Variants in UBE2V2 observed in about 807,000 individuals in gnomAD.
The protein encoded by UBE2V2 is ubiquitin conjugating enzyme E2 V2, also known as ubiquitin-conjugating enzyme E2 variant 2.
In UBE2V2, 9 loss-of-function variants were observed where a neutral mutation model predicts 17.2. The observed-to-expected ratio is 0.52, with a 90% CI of 0.32 to 0.91. UBE2V2 has a LOEUF of 0.91. Ranked by LOEUF, UBE2V2 falls within the 40% of genes least tolerant of loss-of-function variation. The pLI, the probability that UBE2V2 is intolerant of heterozygous loss-of-function variation, is 0.04. For missense variants in UBE2V2, 133 were observed against 182.6 expected (o/e 0.73, Z 1.56); for synonymous variants, 61 against 57.5 (o/e 1.06, Z -0.28).
At chr8:48,048,591 A>C (rs994326564) in intron 2 of UBE2V2, among the ~76,000 whole-genome samples, 1 of 152,196 alleles carries the variant, frequency 6.6e-6, no homozygotes, top group African/African-American at 2.4e-5. Context: ...GGATATTATT[A>C]ATATTTGCTT....
At chr8:48,008,395 G>T (rs1404650988), upstream of UBE2V2, 2 of 1,549,746 alleles carry the variant, frequency 1.3e-6, no homozygotes, top group Admixed American at 1.9e-5. Context: ...CGCGCTCCCG[G>T]AAGTGACGCG....
upstream of UBE2V2, among the ~76,000 whole-genome samples, chr8:48,005,951 C>T (rs2091180227): frequency 6.6e-6 from 1 of 152,152 alleles, no homozygotes; most frequent in Admixed American, 6.5e-5. Context: ...AATTTTCTCC[C>T]ATTCTATAGG....
Position 48,064,474 on chromosome 8 carries a change from T to C in UBE2V2, c.*3646T>C, listed in dbSNP as rs1802634685. 6.6e-6 allele frequency: 1 copy of C among 152,182 alleles called. No individual in the cohort carries two copies. The highest frequency in any genetic ancestry group is 6.6e-5 in the Admixed American group (1 of 15,266). 9.4% of individuals were successfully genotyped at this position (152,182 alleles called of 1,614,324 possible). A position where few individuals can be genotyped will look rare whatever the true frequency, so the allele number is the denominator to read the frequency against. On this transcript the variant is annotated 3_prime_UTR_variant, in exon 4 of 4. Transcript: ENST00000523111. ...ACCTGATACTGAGTTTACTGTAAAA[T>C]AGGAAATGCATAGGAAGGAATACCT...
chr8:48,051,110 G>A (rs1268947063), intron 3 of UBE2V2, among the ~76,000 whole-genome samples: 1 of 152,204 alleles, frequency 6.6e-6, no homozygotes, highest in Non-Finnish European at 1.5e-5. Flanking sequence ...GCCTCCCAAA[G>A]TGCTGGGATT....
rs577452568 is a variant in UBE2V2, at chr8:48,039,454, G to T, written c.17-3579G>T. On this transcript the variant is annotated intron_variant, in intron 1 of 3. Transcript: ENST00000523111. ...TGAGGTTGAACATATTTTTATGTTTGTTGGTCATTACTGTTTTCTGTAAAC... is the reference window on the plus strand; with the variant it reads ...TGAGGTTGAACATATTTTTATGTTTTTTGGTCATTACTGTTTTCTGTAAAC... Among the ~76,000 whole-genome samples, 16 of 152,226 alleles carry T rather than the reference G, an allele frequency of 1.1e-4. No homozygotes were observed. The South Asian group carries it at 3.1e-3, about 30-fold the overall frequency.
Position 48,008,483 on chromosome 8 carries a change from G to A in UBE2V2, c.16+13G>A. The A allele has an allele frequency of 1.3e-6, 2 of 1,566,800 alleles. No individual in the cohort carries two copies. The highest frequency in any genetic ancestry group is 8.6e-7 in the Non-Finnish European group (1 of 1,158,628). ...GCGGTCTCCACAGGTCGGTTCCCGGGCCGGGCTGCGTGATTTTCCGCTCCG... is the reference window on the plus strand; with the variant it reads ...GCGGTCTCCACAGGTCGGTTCCCGGACCGGGCTGCGTGATTTTCCGCTCCG... On this transcript the variant is annotated intron_variant, in intron 1 of 3. Coordinates refer to ENST00000523111, the MANE Select transcript of UBE2V2 (RefSeq NM_003350.3).
intron 1 of UBE2V2, among the ~76,000 whole-genome samples, chr8:48,032,702 G>T (rs531163183): frequency 6.6e-6 from 1 of 152,278 alleles, no homozygotes; most frequent in South Asian, 2.1e-4. Context: ...GCTGTAGTGA[G>T]CCATGGCGAC....
chr8:48,032,828 T>C lies in UBE2V2; in HGVS notation c.17-10205T>C, dbSNP rs138378692. ...TATTGACATTATTAATGTCAACAAA[T>C]AGTGTTCTTGAGAGTGGGGTTGTAA... On this transcript the variant is annotated intron_variant, in intron 1 of 3. Transcript: ENST00000523111. 1.8e-3 allele frequency among the ~76,000 whole-genome samples: 277 copies of C among 152,228 alleles called. 1 individual carries two copies. The highest frequency in any genetic ancestry group is 6.4e-3 in the African/African-American group (267 of 41,544).
intron 3 of UBE2V2, among the ~76,000 whole-genome samples, chr8:48,056,993 T>C (rs2091577493): frequency 6.6e-6 from 1 of 152,176 alleles, no homozygotes; most frequent in Non-Finnish European, 1.5e-5. Flanking sequence ...CCCAAAGTGC[T>C]GGGGTTACAG....
chr8:48,016,917 C>G (rs2091272934), intron 1 of UBE2V2, among the ~76,000 whole-genome samples: 1 of 151,680 alleles, frequency 6.6e-6, no homozygotes, highest in African/African-American at 2.4e-5. Context: ...TCCCGAGTAG[C>G]TGGGATTACA....
At chr8:48,018,294 A>T (rs2091283357) in intron 1 of UBE2V2, among the ~76,000 whole-genome samples, 3 of 152,252 alleles carry the variant, frequency 2.0e-5, no homozygotes. Context: ...TTATTGTTAT[A>T]AAAACTTCTG....
chr8:48,055,549 T>G (rs1409472067), intron 3 of UBE2V2, among the ~76,000 whole-genome samples: 3 of 152,064 alleles, frequency 2.0e-5, no homozygotes, highest in Non-Finnish European at 2.9e-5. Flanking sequence ...CTTTTCTACT[T>G]TCAAACACTT....
intron 2 of UBE2V2, 124 bp downstream of exon 2, chr8:48,043,305 T>C (rs2091476753): frequency 1.3e-6 from 1 of 769,158 alleles, no homozygotes; most frequent in South Asian, 5.7e-5. Context: ...TTTTATTTTG[T>C]TTACATTTAT....
chr8:48,011,250 C>T (rs1471605138), intron 1 of UBE2V2, among the ~76,000 whole-genome samples: 5 of 151,968 alleles, frequency 3.3e-5, no homozygotes, highest in Non-Finnish European at 7.4e-5. Context: ...TGACTGCAGC[C>T]TCTTCCTCCT....
chr8:48,049,898 C>A lies in UBE2V2; in HGVS notation c.211C>A (p.Pro71Thr), dbSNP rs2091524108. The A allele has an allele frequency of 1.9e-6, 3 of 1,587,888 alleles. No individual in the cohort carries two copies. The African/African-American group carries it at 4.1e-5, about 22-fold the overall frequency. ...RIYSLKVECG[P>T]KYPEAPPSVR... ...ATATAGCCTGAAAGTAGAATGTGGA[C>A]CTAAATACCCAGAAGCTCCTCCGTC... is the stretch of plus-strand genomic sequence containing the variant. Residue 71 changes from proline (P) to threonine (T), a missense_variant, in exon 3 of 4, where the codon CCT becomes ACT. Pro to Thr is a conservative substitution (Grantham distance 38). Coordinates refer to ENST00000523111, the MANE Select transcript of UBE2V2 (RefSeq NM_003350.3).
In UBE2V2 at chr8:48,017,650, G is replaced by A. The variant is rs537198152; in HGVS notation, c.16+9180G>A. 3.3e-5 allele frequency among the ~76,000 whole-genome samples: 5 copies of A among 152,168 alleles called. No homozygotes were observed. The East Asian group carries it at 9.7e-4, about 29-fold the overall frequency. ...AGCCTCCCAAAGTGCTAGGATTACA[G>A]GCGAGAGCCACCGCGCCTGCCAGTT... On this transcript the variant is annotated intron_variant, in intron 1 of 3. Coordinates refer to ENST00000523111, the MANE Select transcript of UBE2V2 (RefSeq NM_003350.3).
At chr8:48,055,686 C>G (rs529324461) in intron 3 of UBE2V2, among the ~76,000 whole-genome samples, 2 of 152,066 alleles carry the variant, frequency 1.3e-5, no homozygotes, top group Admixed American at 6.6e-5. Context: ...TTGTTCTTCC[C>G]AAAGCAAATC....
chr8:48,007,637 A>C (rs2091193155), upstream of UBE2V2, among the ~76,000 whole-genome samples: 1 of 151,432 alleles, frequency 6.6e-6, no homozygotes, highest in Admixed American at 6.6e-5. Context: ...CTGGTCTCAA[A>C]GTCTTGGGTT....
intron 1 of UBE2V2, among the ~76,000 whole-genome samples, chr8:48,027,472 A>G (rs1015815227): frequency 2.6e-5 from 4 of 152,146 alleles, no homozygotes; most frequent in South Asian, 2.1e-4. Context: ...GTTATTGAGT[A>G]TCTTTTCATG....
Sources: allele counts gnomAD v4.1 joint callset (sites outside exome capture counted in the v4.1 genomes callset), GRCh38; gene constraint gnomAD v4.1.1; transcripts MANE v1.5; gene names NCBI Gene and HGNC (gene_info 2026-07-23, HGNC 2026-07-21).